The following FGF12 variants were observed in gnomAD, a reference collection of about 807,000 sequenced individuals.
The protein encoded by FGF12 is fibroblast growth factor 12B.
A neutral mutation model predicts 23.6 loss-of-function variants in FGF12; 14 were observed. That is an observed-to-expected ratio of 0.59 (90% CI 0.39 to 0.93). The LOEUF is 0.93. FGF12 is among the 40% of genes least tolerant of loss of function. The pLI, the probability that FGF12 is intolerant of heterozygous loss-of-function variation, is 0.00. For missense variants in FGF12, 175 were observed against 217.8 expected, an observed-to-expected ratio of 0.80 and a Z score of 1.24; for synonymous variants, 62 against 77.3, an observed-to-expected ratio of 0.80 and a Z score of 1.04.
intron 4 of FGF12, among the ~76,000 whole-genome samples, chr3:192,212,944 G>A (rs1025998114): frequency 2.0e-5 from 3 of 152,206 alleles, no homozygotes; most frequent in African/African-American, 7.2e-5. Flanking sequence ...ACCCTGTCTG[G>A]AGTGGCAGCT....
chr3:192,602,494 A>G (rs1714153546), intron 2 of FGF12, among the ~76,000 whole-genome samples: 1 of 152,136 alleles, frequency 6.6e-6, no homozygotes, highest in Non-Finnish European at 1.5e-5. Context: ...GTTGATGATT[A>G]CACATCCTCT....
At chr3:192,589,658 G>A (rs1713542145) in intron 2 of FGF12, among the ~76,000 whole-genome samples, 1 of 151,740 alleles carries the variant, frequency 6.6e-6, no homozygotes, top group Admixed American at 6.6e-5. Flanking sequence ...ATGGAGGGAG[G>A]AAATGGACAG....
intron 4 of FGF12, among the ~76,000 whole-genome samples, chr3:192,266,603 T>C (rs763045851): frequency 2.0e-4 from 30 of 152,102 alleles, no homozygotes; most frequent in Non-Finnish European, 4.4e-4. Flanking sequence ...GTCATAGCAA[T>C]AGCAACTGCC....
intron 2 of FGF12, among the ~76,000 whole-genome samples, chr3:192,441,320 G>C (rs1179265523): frequency 6.6e-6 from 1 of 152,094 alleles, no homozygotes; most frequent in Non-Finnish European, 1.5e-5. Context: ...TCTTTGACTG[G>C]GGGAATCTGA....
At chr3:192,253,666 T>C (rs1205426587) in intron 4 of FGF12, among the ~76,000 whole-genome samples, 1 of 152,104 alleles carries the variant, frequency 6.6e-6, no homozygotes, top group Non-Finnish European at 1.5e-5. Flanking sequence ...ATTCAAATTA[T>C]GTTTGGAGTC....
intron 2 of FGF12, among the ~76,000 whole-genome samples, chr3:192,667,541 C>T (rs574143834): frequency 2.2e-4 from 30 of 135,806 alleles, no homozygotes; most frequent in African/African-American, 7.7e-4. Context: ...ACCCAGGAGG[C>T]GGAGGTTGCA....
At chr3:192,646,903 G>A (rs1169099555) in intron 2 of FGF12, among the ~76,000 whole-genome samples, 1 of 152,030 alleles carries the variant, frequency 6.6e-6, no homozygotes, top group Non-Finnish European at 1.5e-5. Context: ...TAAATGTCAT[G>A]GGAGACCTCC....
intron 2 of FGF12, among the ~76,000 whole-genome samples, chr3:192,608,112 G>C (rs1233833689): frequency 6.6e-6 from 1 of 152,090 alleles, no homozygotes; most frequent in East Asian, 1.9e-4. Context: ...GAACCTCATA[G>C]AGATAGAAGG....
intron 4 of FGF12, among the ~76,000 whole-genome samples, chr3:192,173,665 G>A (rs1715699056): frequency 6.6e-6 from 1 of 151,578 alleles, no homozygotes. Flanking sequence ...TCCAATACTA[G>A]CAAACAGTAT....
chr3:192,659,835 A>C (rs1044330089), intron 2 of FGF12, among the ~76,000 whole-genome samples: 1 of 152,122 alleles, frequency 6.6e-6, no homozygotes, highest in Non-Finnish European at 1.5e-5. Flanking sequence ...TAATGATGCC[A>C]TTCTAACTGG....
chr3:192,252,728 GA>G (rs1371193239), intron 4 of FGF12, among the ~76,000 whole-genome samples: 2 of 151,504 alleles, frequency 1.3e-5, no homozygotes, highest in African/African-American at 4.8e-5. Context: ...TGGTAGAAAA[GA>G]AAAAAACTTA....
chr3:192,281,929 A>G (rs1223264828), intron 4 of FGF12, among the ~76,000 whole-genome samples: 1 of 152,116 alleles, frequency 6.6e-6, no homozygotes, highest in Non-Finnish European at 1.5e-5. Context: ...TTCCTGCAAA[A>G]CTGTTTCCAT....
intron 2 of FGF12, among the ~76,000 whole-genome samples, chr3:192,496,424 C>T (rs764529174): frequency 5.4e-4 from 82 of 152,134 alleles, no homozygotes; most frequent in Non-Finnish European, 6.2e-4. Flanking sequence ...CATAGGAAGA[C>T]GCTTTTACAC....
At chr3:192,305,065 G>A (rs80139468) in intron 4 of FGF12, among the ~76,000 whole-genome samples, 4,283 of 152,082 alleles carry the variant, frequency 0.028, 161 homozygotes, top group South Asian at 0.17. Context: ...TAACAGAGAA[G>A]GGAGAGGAAG....
chr3:192,696,311 G>C (rs181995517), intron 2 of FGF12, among the ~76,000 whole-genome samples: 1 of 152,092 alleles, frequency 6.6e-6, no homozygotes, highest in Admixed American at 6.6e-5. Context: ...GAGAAGCTCT[G>C]AGCAAGTGAC....
intron 2 of FGF12, among the ~76,000 whole-genome samples, chr3:192,421,984 A>C (rs1721544280): frequency 6.6e-6 from 1 of 152,064 alleles, no homozygotes. Flanking sequence ...GGCCCAAAAC[A>C]ACATAAAGCT....
chr3:192,415,397 A>G (rs1458703320), intron 2 of FGF12, among the ~76,000 whole-genome samples: 3 of 152,138 alleles, frequency 2.0e-5, no homozygotes, highest in Non-Finnish European at 2.9e-5. Context: ...ATCTTTGCAC[A>G]TAGCCAGATA....
chr3:192,218,311 T>C (rs74727882), intron 4 of FGF12, among the ~76,000 whole-genome samples: 1,672 of 152,308 alleles, frequency 0.011, 31 homozygotes, highest in African/African-American at 0.039. Context: ...ATCTGGATTA[T>C]ATGTGATATG....
At chr3:192,515,776 A>G (rs1724648703) in intron 2 of FGF12, among the ~76,000 whole-genome samples, 1 of 151,772 alleles carries the variant, frequency 6.6e-6, no homozygotes, top group Non-Finnish European at 1.5e-5. Context: ...CGATGACCAA[A>G]CAGCTTCTCC....
Sources: allele counts gnomAD v4.1 joint callset (sites outside exome capture counted in the v4.1 genomes callset), GRCh38; gene constraint gnomAD v4.1.1; transcripts MANE v1.5; gene names NCBI Gene and HGNC (gene_info 2026-07-23, HGNC 2026-07-21).